PRKG1: variants seen among roughly 807,000 people sequenced by gnomAD.
PRKG1 encodes cGMP-dependent protein kinase 1.
Under a neutral mutation model 88.1 loss-of-function variants are expected in PRKG1, and 35 were observed. The ratio of observed to expected loss-of-function variants is 0.40; its 90% CI spans 0.30 to 0.53. PRKG1 has a LOEUF of 0.53. Ranked by LOEUF, PRKG1 falls within the 20% of genes least tolerant of loss-of-function variation. The probability of loss-of-function intolerance (pLI) is 0.59; values close to 1 mark genes in which losing one functional copy is unlikely to be tolerated. For missense variants in PRKG1, 540 were observed against 839.8 expected (o/e 0.64, Z 4.41); for synonymous variants, 303 against 292.5 (o/e 1.04, Z -0.37).
Position 52,271,452 on chromosome 10 carries a change from C to G in PRKG1, c.1276C>G (p.Gln426Glu). The G allele has an allele frequency of 4.3e-6, 7 of 1,612,934 alleles. No individual in the cohort carries two copies. The highest frequency in any genetic ancestry group is 5.9e-6 in the Non-Finnish European group (7 of 1,179,348). Residue 426 changes from glutamine (Q) to glutamate (E), a missense_variant, in exon 11 of 18, where the codon CAG becomes GAG. Transcript: ENST00000373980. ...GCAGGAGCACATCCGCTCAGAGAAG[C>G]AGATCATGCAGGGGGCTCATTCCGA... The part of the protein sequence containing the change: ...RQQEHIRSEK[Q>E]IMQGAHSDFI...
chr10:51,063,958 T>A (rs1442636146), intron 1 of PRKG1, among the ~76,000 whole-genome samples: 1 of 152,112 alleles, frequency 6.6e-6, no homozygotes, highest in African/African-American at 2.4e-5. Context: ...CTGTACACTA[T>A]GGAAGTGTAT....
At chr10:51,699,568 A>G (rs935159241) in intron 3 of PRKG1, 2 of 1,591,522 alleles carry the variant, frequency 1.3e-6, no homozygotes, top group East Asian at 2.2e-5. Context: ...TTGTGCAGAC[A>G]GCCGATAGCG....
At chr10:52,053,348 T>C (rs546391765) in intron 5 of PRKG1, among the ~76,000 whole-genome samples, 1 of 152,288 alleles carries the variant, frequency 6.6e-6, no homozygotes, top group East Asian at 1.9e-4. Flanking sequence ...CTCTTTTCAA[T>C]GTCAAGTATT....
At chr10:51,527,817 A>G (rs992670879) in intron 3 of PRKG1, among the ~76,000 whole-genome samples, 3 of 152,178 alleles carry the variant, frequency 2.0e-5, no homozygotes, top group African/African-American at 7.2e-5. Context: ...GAGGTCTTTA[A>G]GCTTGTATTT....
At chr10:51,589,757 A>C (rs10998386) in intron 3 of PRKG1, among the ~76,000 whole-genome samples, 1 of 152,306 alleles carries the variant, frequency 6.6e-6, no homozygotes, top group African/African-American at 2.4e-5. Flanking sequence ...CAAGTGCAAA[A>C]CTTGTAAGAA....
At chr10:51,173,032 C>G (rs922966392) in intron 2 of PRKG1, among the ~76,000 whole-genome samples, 1 of 152,006 alleles carries the variant, frequency 6.6e-6, no homozygotes, top group Non-Finnish European at 1.5e-5. Flanking sequence ...CTTGACACTA[C>G]AACTCCACAA....
At chr10:52,025,314 GA>G (rs1201203478) in intron 5 of PRKG1, among the ~76,000 whole-genome samples, 1 of 152,142 alleles carries the variant, frequency 6.6e-6, no homozygotes, top group Non-Finnish European at 1.5e-5. Flanking sequence ...TTGCTGTGCA[GA>G]AGCTCTTTAG....
At chr10:51,689,941 G>T (rs1454423937) in intron 3 of PRKG1, among the ~76,000 whole-genome samples, 1 of 152,152 alleles carries the variant, frequency 6.6e-6, no homozygotes, top group Non-Finnish European at 1.5e-5. Context: ...GTTCATTCTT[G>T]CATTTCTATA....
intron 2 of PRKG1, among the ~76,000 whole-genome samples, chr10:51,388,281 G>C (rs959349156): frequency 6.6e-6 from 1 of 152,150 alleles, no homozygotes; most frequent in African/African-American, 2.4e-5. Context: ...GAAGACATCT[G>C]ATCTGACTCT....
At chr10:50,994,559 TA>T (rs2132708814) in intron 1 of PRKG1, among the ~76,000 whole-genome samples, 1 of 152,186 alleles carries the variant, frequency 6.6e-6, no homozygotes, top group Non-Finnish European at 1.5e-5. Context: ...CTGTTTTTTG[TA>T]AAAGGCTGTG....
At chr10:51,171,144 G>A (rs1846693790) in intron 2 of PRKG1, among the ~76,000 whole-genome samples, 1 of 152,134 alleles carries the variant, frequency 6.6e-6, no homozygotes, top group African/African-American at 2.4e-5. Context: ...TGGTATGTGA[G>A]ACACAGTGAG....
intron 3 of PRKG1, among the ~76,000 whole-genome samples, chr10:51,795,106 C>T (rs1449265709): frequency 1.3e-5 from 2 of 152,066 alleles, no homozygotes; most frequent in Non-Finnish European, 2.9e-5. Flanking sequence ...AGTCAGTTTA[C>T]ATTTTAGAAT....
chr10:51,738,479 T>G (rs1197491920), intron 3 of PRKG1, among the ~76,000 whole-genome samples: 2 of 152,206 alleles, frequency 1.3e-5, no homozygotes, highest in Admixed American at 6.5e-5. Flanking sequence ...ATGAAGCAGT[T>G]GCAAGAATGA....
intron 5 of PRKG1, among the ~76,000 whole-genome samples, chr10:51,997,590 C>T (rs548418666): frequency 1.1e-4 from 17 of 151,954 alleles, no homozygotes; most frequent in Non-Finnish European, 2.1e-4. Flanking sequence ...CATTTTCTTA[C>T]CACAAATGAT....
intron 8 of PRKG1, among the ~76,000 whole-genome samples, chr10:52,153,641 CAG>C (rs1162859642): frequency 3.5e-4 from 53 of 152,284 alleles, no homozygotes; most frequent in African/African-American, 1.3e-3. Context: ...TTAATACACT[CAG>C]AATAGAGAAA....
rs561925557 is a variant in PRKG1 at position 52,189,805 on chromosome 10, G to A, written c.1076+27842G>A. Among the ~76,000 whole-genome samples, 4 of 152,318 alleles carry A rather than the reference G, an allele frequency of 2.6e-5. No individual in the cohort carries two copies. The South Asian group carries it at 8.3e-4, about 32-fold the overall frequency. On this transcript the variant is annotated intron_variant, in intron 9 of 17. Transcript: ENST00000373980. ...TTAAAAGAATGATACTGATCAGGTT[G>A]TAATATTTGCATTCTGTTTACAGAT...
chr10:51,516,488 C>T (rs1841590167), intron 3 of PRKG1, among the ~76,000 whole-genome samples: 2 of 152,052 alleles, frequency 1.3e-5, no homozygotes, highest in South Asian at 4.1e-4. Context: ...GATAGAAGTT[C>T]CCACTTTGGG....
At chr10:52,132,929 G>T (rs1187476589) in intron 7 of PRKG1, among the ~76,000 whole-genome samples, 1 of 152,004 alleles carries the variant, frequency 6.6e-6, no homozygotes, top group Non-Finnish European at 1.5e-5. Context: ...ACCCCCTCAA[G>T]TATTTATCCT....
chr10:51,475,050 C>T (rs915335027), intron 3 of PRKG1, among the ~76,000 whole-genome samples: 2 of 151,836 alleles, frequency 1.3e-5, no homozygotes, highest in African/African-American at 4.8e-5. Context: ...AAATGCAGGC[C>T]AGGATCATGA....
Sources: gnomAD v4.1 joint callset for allele counts (sites outside exome capture counted in the v4.1 genomes callset) on GRCh38, gnomAD v4.1.1 for gene constraint, MANE v1.5 for transcripts, NCBI Gene and HGNC (gene_info 2026-07-23, HGNC 2026-07-21) for gene names.